ANO1: variants seen among roughly 807,000 people sequenced by gnomAD.
The protein encoded by ANO1 is anoctamin 1, also known as anoctamin-1.
ANO1 carries 59 observed loss-of-function variants against 124.0 expected under a neutral mutation model. The ratio of observed to expected loss-of-function variants is 0.48; its 90% CI spans 0.39 to 0.59. The LOEUF (loss-of-function observed/expected upper bound fraction) is 0.59, where lower values mean the gene tolerates loss of function less well. ANO1 is among the 20% of genes least tolerant of loss of function. The pLI, the probability that ANO1 is intolerant of heterozygous loss-of-function variation, is 0.00. For missense variants in ANO1, 1,059 were observed against 1,328.0 expected, an observed-to-expected ratio of 0.80 and a Z score of 3.15; for synonymous variants, 529 against 532.0, an observed-to-expected ratio of 0.99 and a Z score of 0.08.
At chr11:70,049,603 G>A (rs1857317993) in intron 1 of ANO1, among the ~76,000 whole-genome samples, 1 of 152,198 alleles carries the variant, frequency 6.6e-6, no homozygotes, top group Non-Finnish European at 1.5e-5. Flanking sequence ...TAATGGTGGG[G>A]ATAACTATTC....
At chr11:70,115,745 TG>T (rs2045953349) in intron 7 of ANO1, among the ~76,000 whole-genome samples, 1 of 152,186 alleles carries the variant, frequency 6.6e-6, no homozygotes. Flanking sequence ...TGTAGTTATT[TG>T]GGGCTCACTG....
At chr11:70,072,736 G>T (rs1473283803) in intron 1 of ANO1, 1 of 152,326 alleles carries the variant, frequency 6.6e-6, no homozygotes, top group Non-Finnish European at 1.5e-5. Flanking sequence ...GTGCACTCAC[G>T]CCCGGCGTAC....
At chr11:69,988,332 T>C (rs1397136940) in intron 1 of ANO1, among the ~76,000 whole-genome samples, 1 of 152,108 alleles carries the variant, frequency 6.6e-6, no homozygotes, top group Non-Finnish European at 1.5e-5. Context: ...GCCTCCCAGG[T>C]CTCAATCCCA....
chr11:70,066,251 A>AG (rs577686604), intron 1 of ANO1, among the ~76,000 whole-genome samples: 1 of 152,226 alleles, frequency 6.6e-6, no homozygotes, highest in East Asian at 1.9e-4. Flanking sequence ...GATTACAAGC[A>AG]GGGGGTCAGA....
chr11:70,115,659 C>T (rs906035311), intron 7 of ANO1, among the ~76,000 whole-genome samples: 2 of 152,056 alleles, frequency 1.3e-5, no homozygotes, highest in African/African-American at 2.4e-5. Flanking sequence ...AAACTATTAG[C>T]CAGGCCAGGC....
chr11:70,173,458 A>C (rs1022947834), intron 22 of ANO1, among the ~76,000 whole-genome samples: 2 of 152,160 alleles, frequency 1.3e-5, no homozygotes, highest in African/African-American at 4.8e-5. Context: ...AAAAGCCATG[A>C]GCTAACCAAC....
intron 22 of ANO1, 61 bp from the exon 23 acceptor site, chr11:70,179,943 T>C: frequency 1.3e-6 from 2 of 1,506,566 alleles, no homozygotes; most frequent in Non-Finnish European, 1.8e-6. Context: ...GACTGCTGCC[T>C]GGTAGCTGGA....
At chr11:70,181,081 T>G (rs757862403) in intron 23 of ANO1, among the ~76,000 whole-genome samples, 4 of 152,194 alleles carry the variant, frequency 2.6e-5, no homozygotes, top group South Asian at 2.1e-4. Flanking sequence ...CAGTACATAC[T>G]TCAAGCCCAA....
intron 10 of ANO1, chr11:70,129,169 C>T (rs962661659): frequency 6.6e-6 from 1 of 152,252 alleles, no homozygotes; most frequent in African/African-American, 2.4e-5. Flanking sequence ...GAGATAAACC[C>T]CGAAAGGCCG....
intron 1 of ANO1, among the ~76,000 whole-genome samples, chr11:70,084,481 G>A (rs1218481842): frequency 6.6e-6 from 1 of 152,176 alleles, no homozygotes; most frequent in Non-Finnish European, 1.5e-5. Context: ...GCTTAGCAGA[G>A]ACCATCATCC....
intron 1 of ANO1, among the ~76,000 whole-genome samples, chr11:70,006,211 C>T (rs971255747): frequency 1.2e-4 from 19 of 152,198 alleles, no homozygotes; most frequent in Non-Finnish European, 2.2e-4. Context: ...GTCCAGTGAG[C>T]AGGAACTAGT....
intron 2 of ANO1, 60 bp from the exon 3 acceptor site, chr11:70,103,006 G>T (rs1269964314): frequency 2.4e-5 from 29 of 1,218,968 alleles, no homozygotes; most frequent in Middle Eastern, 3.9e-4. Context: ...GAAGATCAAG[G>T]TGGTTTTCCA....
At chr11:70,173,312 C>T (rs984470086) in intron 22 of ANO1, among the ~76,000 whole-genome samples, 12 of 152,290 alleles carry the variant, frequency 7.9e-5, no homozygotes, top group Admixed American at 2.6e-4. Flanking sequence ...GGTAAGAGGT[C>T]ATGGCACTGT....
chr11:70,153,304 G>A (rs1392701001), intron 14 of ANO1, among the ~76,000 whole-genome samples, 176 bp downstream of exon 14: 1 of 152,254 alleles, frequency 6.6e-6, no homozygotes, highest in African/African-American at 2.4e-5. Flanking sequence ...GTAAACACAT[G>A]GGCCTGTGTT....
intron 11 of ANO1, among the ~76,000 whole-genome samples, chr11:70,142,411 G>T (rs567137277): frequency 1.3e-5 from 2 of 152,166 alleles, no homozygotes; most frequent in African/African-American, 4.8e-5. Flanking sequence ...AACTAAACTT[G>T]TTCCAGGGAT....
At chr11:70,176,941 C>CT (rs1031297840) in intron 22 of ANO1, among the ~76,000 whole-genome samples, 2 of 152,184 alleles carry the variant, frequency 1.3e-5, no homozygotes, top group African/African-American at 4.8e-5. Flanking sequence ...CAGCATTTCT[C>CT]TAACACACCC....
At chr11:70,151,930 A>G (rs2047616464) in intron 12 of ANO1, among the ~76,000 whole-genome samples, 1 of 152,148 alleles carries the variant, frequency 6.6e-6, no homozygotes, top group Admixed American at 6.5e-5. Context: ...CACAGCTACA[A>G]AGGCCACAGT....
chr11:70,149,377 G>A (rs116686772), intron 11 of ANO1, among the ~76,000 whole-genome samples: 3,007 of 152,318 alleles, frequency 0.02, 74 homozygotes, highest in African/African-American at 0.056. Context: ...TTGGCTGGGC[G>A]TGGTGGCTCA....
chr11:70,081,012 C>G (rs1174776464), intron 1 of ANO1, among the ~76,000 whole-genome samples: 1 of 152,214 alleles, frequency 6.6e-6, no homozygotes, highest in African/African-American at 2.4e-5. Context: ...AGGGCGTGGG[C>G]TGCATTTCAA....
Sources: gnomAD v4.1 joint callset for allele counts (sites outside exome capture counted in the v4.1 genomes callset) on GRCh38, gnomAD v4.1.1 for gene constraint, MANE v1.5 for transcripts, NCBI Gene and HGNC (gene_info 2026-07-23, HGNC 2026-07-21) for gene names.